SULF1: variants seen among roughly 807,000 people sequenced by gnomAD.
SULF1 encodes extracellular sulfatase Sulf-1.
Under a neutral mutation model 110.5 loss-of-function variants are expected in SULF1, and 46 were observed. That is an observed-to-expected ratio of 0.42 (90% confidence interval 0.33 to 0.53). The LOEUF (loss-of-function observed/expected upper bound fraction) is 0.53, where lower values mean the gene tolerates loss of function less well. Among genes scored for constraint, SULF1 ranks in the 20% least tolerant of loss-of-function variants. The probability of loss-of-function intolerance (pLI) is 0.12; values close to 1 mark genes in which losing one functional copy is unlikely to be tolerated. For synonymous variants in SULF1, 371 were observed against 387.1 expected, an observed-to-expected ratio of 0.96 and a Z score of 0.49; for missense variants, 941 against 1,094.2, an observed-to-expected ratio of 0.86 and a Z score of 1.98.
intron 1 of SULF1, among the ~76,000 whole-genome samples, chr8:69,469,996 C>T (rs968224753): frequency 6.6e-6 from 1 of 152,094 alleles, no homozygotes; most frequent in Non-Finnish European, 1.5e-5. Flanking sequence ...GAGCCGAGAT[C>T]GTGTCATTGC....
intron 17 of SULF1, 148 bp downstream of exon 17, chr8:69,628,014 T>C (rs1382516196): frequency 1.4e-5 from 12 of 870,720 alleles, no homozygotes; most frequent in South Asian, 3.2e-5. Context: ...AAACTAAATA[T>C]GCTTAAACTT....
chr8:69,597,657 G>T (rs1003973845), intron 8 of SULF1: 4 of 152,208 alleles, frequency 2.6e-5, no homozygotes, highest in Admixed American at 2.0e-4. Context: ...ACTGGTGGAA[G>T]ATATAATTTC....
At chr8:69,650,237 C>G (rs1392342403) in intron 22 of SULF1, among the ~76,000 whole-genome samples, 1 of 151,688 alleles carries the variant, frequency 6.6e-6, no homozygotes, top group African/African-American at 2.4e-5. Flanking sequence ...TAGGCTCAAG[C>G]GATTCTCCCA....
chr8:69,639,719 T>C (rs1027527899), intron 21 of SULF1, among the ~76,000 whole-genome samples: 1 of 152,166 alleles, frequency 6.6e-6, no homozygotes, highest in African/African-American at 2.4e-5. Flanking sequence ...CGCTGGGTTT[T>C]CTCTGTGAGT....
In SULF1 at chr8:69,589,146, G is replaced by T; in HGVS notation, c.734+5G>T. 6.2e-7 allele frequency: 1 copy of T among 1,611,490 alleles called. No homozygotes were observed. Among genetic ancestry groups the T allele is most frequent in the Non-Finnish European group, 8.5e-7 (1 of 1,178,038 alleles). ...CCCCAATGCTTCCCAACACATGTAA[G>T]TAACAAACTCAACTCTGCGACCTGC... is the stretch of plus-strand genomic sequence containing the variant. On this transcript the variant is annotated splice_donor_5th_base_variant and intron_variant, in intron 8 of 22. Transcript: ENST00000402687.
chr8:69,516,192 G>A (rs745615017), intron 3 of SULF1, among the ~76,000 whole-genome samples: 25 of 152,034 alleles, frequency 1.6e-4, no homozygotes, highest in East Asian at 5.8e-4. Context: ...AGAACTACCC[G>A]AGACTGAGTA....
At chr8:69,621,675 A>G (rs1470026032) in intron 14 of SULF1, among the ~76,000 whole-genome samples, 1 of 152,266 alleles carries the variant, frequency 6.6e-6, no homozygotes, top group African/African-American at 2.4e-5. Flanking sequence ...GGAAAAGCAT[A>G]AACACTTTTT....
At chr8:69,647,513 A>T (rs942499557) in intron 22 of SULF1, among the ~76,000 whole-genome samples, 2 of 152,160 alleles carry the variant, frequency 1.3e-5, no homozygotes, top group African/African-American at 4.8e-5. Flanking sequence ...AAAATTATGT[A>T]GGTTAGAAAT....
intron 3 of SULF1, chr8:69,562,865 G>A (rs545626109): frequency 6.5e-6 from 1 of 153,020 alleles, no homozygotes; most frequent in Non-Finnish European, 1.5e-5. Context: ...ACTGACAATC[G>A]AGAGGGGGCT....
intron 3 of SULF1, among the ~76,000 whole-genome samples, chr8:69,531,311 A>G (rs1415714520): frequency 6.6e-6 from 1 of 152,206 alleles, no homozygotes; most frequent in African/African-American, 2.4e-5. Flanking sequence ...GTTTTCAAAT[A>G]CATTGTTATC....
At chr8:69,571,961 C>T (rs1301901244) in intron 5 of SULF1, among the ~76,000 whole-genome samples, 3 of 152,136 alleles carry the variant, frequency 2.0e-5, no homozygotes, top group Non-Finnish European at 4.4e-5. Context: ...CCATAGAGAT[C>T]AGAGGCAACA....
chr8:69,472,201 C>A (rs558461059), intron 1 of SULF1, among the ~76,000 whole-genome samples: 12 of 152,282 alleles, frequency 7.9e-5, no homozygotes, highest in African/African-American at 2.9e-4. Context: ...GAACAAAGGA[C>A]CCCATCCCTG....
At chr8:69,494,857 G>C (rs1442340291) in intron 1 of SULF1, among the ~76,000 whole-genome samples, 1 of 150,464 alleles carries the variant, frequency 6.6e-6, no homozygotes, top group Non-Finnish European at 1.5e-5. Context: ...CTCAGCCTGG[G>C]TGACAAAGTG....
chr8:69,531,161 G>A (rs568683988), intron 3 of SULF1, among the ~76,000 whole-genome samples: 9 of 152,182 alleles, frequency 5.9e-5, no homozygotes, highest in Non-Finnish European at 1.3e-4. Flanking sequence ...ACACCACTCT[G>A]AACTGACTTC....
intron 5 of SULF1, among the ~76,000 whole-genome samples, chr8:69,570,837 G>C (rs1024818529): frequency 2.0e-5 from 3 of 152,228 alleles, no homozygotes. Flanking sequence ...AGCAATGGAA[G>C]ATGTTCTCAG....
intron 3 of SULF1, chr8:69,563,006 A>G (rs1238900642): frequency 6.6e-6 from 1 of 152,268 alleles, no homozygotes; most frequent in Non-Finnish European, 1.5e-5. Context: ...CAGAGACTGG[A>G]AAAAATTGTC....
At chr8:69,482,860 A>G (rs769427936) in intron 1 of SULF1, among the ~76,000 whole-genome samples, 3 of 152,212 alleles carry the variant, frequency 2.0e-5, no homozygotes, top group Non-Finnish European at 4.4e-5. Flanking sequence ...GTAAACTGAA[A>G]GTAATTTCCA....
chr8:69,528,248 C>T (rs537333358), intron 3 of SULF1, among the ~76,000 whole-genome samples: 136 of 152,202 alleles, frequency 8.9e-4, no homozygotes, highest in Non-Finnish European at 1.6e-3. Context: ...TCAAATAGAA[C>T]GGTAGAGGGT....
chr8:69,590,440 C>T (rs1443196808), intron 8 of SULF1, among the ~76,000 whole-genome samples: 1 of 152,224 alleles, frequency 6.6e-6, no homozygotes. Flanking sequence ...GCTGGGATTA[C>T]AGGCATGAGC....
Sources: gnomAD v4.1 joint callset for allele counts (sites outside exome capture counted in the v4.1 genomes callset) on GRCh38, gnomAD v4.1.1 for gene constraint, MANE v1.5 for transcripts, NCBI Gene and HGNC (gene_info 2026-07-23, HGNC 2026-07-21) for gene names.